Variants in MAPK10 observed in about 807,000 individuals in gnomAD.
MAPK10 encodes mitogen-activated protein kinase 10.
Under a neutral mutation model 59.3 loss-of-function variants are expected in MAPK10, and 25 were observed. The ratio of observed to expected loss-of-function variants is 0.42; its 90% CI spans 0.31 to 0.59. The LOEUF is 0.59. MAPK10 is among the 20% of genes least tolerant of loss of function. The pLI is 0.15. For synonymous variants in MAPK10, 190 were observed against 200.5 expected, an observed-to-expected ratio of 0.95 and a Z score of 0.44; for missense variants, 351 against 568.9, an observed-to-expected ratio of 0.62 and a Z score of 3.90.
At chr4:86,270,318 T>C (rs2094394413) in intron 2 of MAPK10, among the ~76,000 whole-genome samples, 2 of 151,952 alleles carry the variant, frequency 1.3e-5, no homozygotes, top group South Asian at 2.1e-4. Context: ...TCGTTTACTC[T>C]TTACCTAAAA....
chr4:86,397,864 CAAAAAAAA>C (rs759585442), intron 1 of MAPK10, among the ~76,000 whole-genome samples: 11 of 51,756 alleles, frequency 2.1e-4, no homozygotes, highest in African/African-American at 4.3e-4. Flanking sequence ...TCTGCTATGG[CAAAAAAAA>C]AAAAAAAAAA....
chr4:86,147,200 C>T (rs891548489), intron 4 of MAPK10, among the ~76,000 whole-genome samples: 1 of 152,092 alleles, frequency 6.6e-6, no homozygotes, highest in East Asian at 1.9e-4. Context: ...GATTCTCCCA[C>T]CTCAGCCGCA....
intron 1 of MAPK10, among the ~76,000 whole-genome samples, chr4:86,437,340 T>A (rs568202665): frequency 6.6e-6 from 1 of 152,294 alleles, no homozygotes; most frequent in South Asian, 2.1e-4. Context: ...ATATTATAGT[T>A]TATCAAATGC....
At chr4:86,045,552 C>T (rs2042338458) in intron 11 of MAPK10, among the ~76,000 whole-genome samples, 1 of 152,088 alleles carries the variant, frequency 6.6e-6, no homozygotes, top group Non-Finnish European at 1.5e-5. Flanking sequence ...CTTTTCTCAA[C>T]TCCAGTCCCA....
chr4:86,369,563 T>C (rs975673005), intron 1 of MAPK10, among the ~76,000 whole-genome samples: 12 of 152,326 alleles, frequency 7.9e-5, no homozygotes, highest in Non-Finnish European at 2.9e-5. Context: ...TTTATATGTG[T>C]AGCTTATGTC....
intron 1 of MAPK10, among the ~76,000 whole-genome samples, chr4:86,461,128 C>CT (rs34130284): frequency 0.96 from 140,950 of 146,920 alleles, 67,716 homozygotes; most frequent in East Asian, 0.99. Flanking sequence ...CCTGAGTACT[C>CT]TTTTTTTTTT....
intron 1 of MAPK10, among the ~76,000 whole-genome samples, chr4:86,444,596 G>T (rs948186911): frequency 3.3e-5 from 5 of 151,928 alleles, no homozygotes; most frequent in African/African-American, 1.2e-4. Flanking sequence ...AAGAGCTTCT[G>T]CACAGCAAAA....
At chr4:86,122,123 A>C (rs954452725) in intron 4 of MAPK10, among the ~76,000 whole-genome samples, 5 of 152,132 alleles carry the variant, frequency 3.3e-5, no homozygotes, top group African/African-American at 4.8e-5. Flanking sequence ...AGAAAATAAA[A>C]AAAGTCAGAT....
At chr4:86,090,244 G>C (rs867120452) in intron 9 of MAPK10, 3 of 151,558 alleles carry the variant, frequency 2.0e-5, no homozygotes, top group Non-Finnish European at 1.5e-5. Context: ...AGGGATGCTG[G>C]GGGGGAGCAA....
chr4:86,437,075 G>A (rs575992514), intron 1 of MAPK10, among the ~76,000 whole-genome samples: 256 of 152,064 alleles, frequency 1.7e-3, no homozygotes, highest in Non-Finnish European at 2.5e-3. Context: ...TAAGCCAGGC[G>A]TGGTGGCAGG....
At chr4:86,372,568 G>GAAAGA (rs1411901849) in intron 1 of MAPK10, among the ~76,000 whole-genome samples, 475 of 29,060 alleles carry the variant, frequency 0.016, 16 homozygotes, top group South Asian at 0.022. Flanking sequence ...AAGAAAGAAA[G>GAAAGA]AAAAGAAAAG....
chr4:86,063,272 T>C (rs566821532), intron 11 of MAPK10, among the ~76,000 whole-genome samples: 108 of 152,270 alleles, frequency 7.1e-4, no homozygotes, highest in Non-Finnish European at 1.2e-3. Context: ...GAAAAACACA[T>C]GGTGAAGCAG....
At position 86,067,926 on chromosome 4, in the gene MAPK10, G is replaced by C; in HGVS notation, c.832C>G (p.Gln278Glu). 2 of 1,612,644 alleles carry C rather than the reference G, an allele frequency of 1.2e-6. No homozygotes were observed. The highest frequency in any genetic ancestry group is 1.1e-5 in the South Asian group (1 of 90,870). ...YIDQWNKVIE[Q>E]LGTPCPEFMK... ...AATTCTGGACATGGTGTTCCTAGTT[G>C]TTCAATTACCTTATTCCACTGGTCA... The change falls in exon 10 of 14, where the codon CAA becomes GAA. Residue 278 changes from glutamine (Q) to glutamate (E), a missense_variant. Around this residue, in one of 5 missense-constraint regions of MAPK10, gnomAD observed 76 missense variants for 197.9 expected, o/e 0.38. Coordinates refer to ENST00000641462, the MANE Select transcript of MAPK10 (RefSeq NM_138982.4).
intron 11 of MAPK10, among the ~76,000 whole-genome samples, chr4:86,063,508 A>G (rs868810621): frequency 3.3e-5 from 5 of 152,152 alleles, no homozygotes; most frequent in South Asian, 2.1e-4. Context: ...GCAGTGCAGA[A>G]AGGAAATTCT....
chr4:86,107,565 G>T (rs1435045142), intron 4 of MAPK10: 7 of 1,167,276 alleles, frequency 6.0e-6, no homozygotes, highest in Non-Finnish European at 5.3e-6. Context: ...GTTGGAGGAA[G>T]GGAAGAAGGA....
At chr4:86,273,539 A>G (rs2094492456) in intron 2 of MAPK10, among the ~76,000 whole-genome samples, 2 of 151,904 alleles carry the variant, frequency 1.3e-5, no homozygotes, top group South Asian at 4.2e-4. Context: ...TACCACCAAG[A>G]GCCATTCAGT....
intron 1 of MAPK10, among the ~76,000 whole-genome samples, chr4:86,369,289 AT>A (rs1309083060): frequency 6.6e-6 from 1 of 152,170 alleles, no homozygotes; most frequent in Non-Finnish European, 1.5e-5. Flanking sequence ...AAGTTTAATA[AT>A]TTTTTATAAA....
Position 86,339,343 on chromosome 4 carries a change from G to C in MAPK10, c.-7+15187C>G, listed in dbSNP as rs139939441. Among the ~76,000 whole-genome samples the C allele has an allele frequency of 8.8e-3, 1,334 of 152,218 alleles. 16 individuals are homozygous for C. Among genetic ancestry groups the C allele is most frequent in the African/African-American group, 0.03 (1,249 of 41,540 alleles). On this transcript the variant is annotated intron_variant, in intron 2 of 13. Coordinates refer to ENST00000641462, the MANE Select transcript of MAPK10 (RefSeq NM_138982.4). ...CTCAAGATAAAACGAGCTTTTCTTG[G>C]GGAAAAAGGACTGAAGGCTTCATTT...
chr4:86,489,872 C>T (rs1236586831), intron 1 of MAPK10, among the ~76,000 whole-genome samples: 1 of 152,206 alleles, frequency 6.6e-6, no homozygotes, highest in East Asian at 1.9e-4. Flanking sequence ...TCTCTTCCAA[C>T]TCATTCTCTG....
Sources: gnomAD v4.1 joint callset for allele counts (sites outside exome capture counted in the v4.1 genomes callset) on GRCh38, gnomAD v4.1.1 for gene constraint, gnomAD v4.1.1 regional missense constraint, MANE v1.5 for transcripts, NCBI Gene and HGNC (gene_info 2026-07-23, HGNC 2026-07-21) for gene names.